The following FGD4 variants were observed in gnomAD, a reference collection of about 807,000 sequenced individuals.
The protein encoded by FGD4 is FYVE, RhoGEF and PH domain containing 4.
Under a neutral mutation model 102.0 loss-of-function variants are expected in FGD4, and 42 were observed. That is an observed-to-expected ratio of 0.41 (90% CI 0.32 to 0.53). The LOEUF (loss-of-function observed/expected upper bound fraction) is 0.53. Among genes scored for constraint, FGD4 ranks in the 20% least tolerant of loss-of-function variants. FGD4 has a pLI of 0.21. For missense variants in FGD4, 902 were observed against 1,078.2 expected, an observed-to-expected ratio of 0.84 and a Z score of 2.29; for synonymous variants, 380 against 375.7, an observed-to-expected ratio of 1.01 and a Z score of -0.13.
chr12:32,632,709 ATTTATTTTT>A lies in FGD4; in HGVS notation c.2173-836_2173-828del, dbSNP rs977699232. Among the ~76,000 whole-genome samples, 18 of 124,460 alleles carry A rather than the reference ATTTATTTTT, an allele frequency of 1.4e-4. No individual in the cohort carries two copies. In the South Asian group the frequency reaches 4.0e-3, roughly 28 times the overall value. The allele number at this position is 124,460 out of a possible 152,430, so 81.7% of individuals were successfully genotyped here. A position where few individuals can be genotyped will look rare whatever the true frequency, so the allele number is the denominator to read the frequency against. ...TTTATTTTTATTTATTTATTTATTTATTTATTTTTTTTTTTTGAGACAGGGTCTTGCTTT... is the reference window on the plus strand; with the variant it reads ...TTTATTTTTATTTATTTATTTATTTATTTTTTTGAGACAGGGTCTTGCTTT... On this transcript the variant is annotated intron_variant, in intron 14 of 16. Transcript: ENST00000534526.
chr12:32,638,650 T>G lies in FGD4; in HGVS notation c.2314-5T>G. The stretch of plus-strand genomic sequence containing the variant: ...TCATTCTGTCTTTCCATTATATTTT[T>G]CTAGATTGAATCAGCAGAAGTATCT... On this transcript the variant is annotated splice_region_variant and splice_polypyrimidine_tract_variant and intron_variant, in intron 15 of 16. Coordinates refer to ENST00000534526, the MANE Select transcript of FGD4 (RefSeq NM_001370298.3). 1 of 1,614,172 alleles carries G rather than the reference T, an allele frequency of 6.2e-7. No homozygotes were observed. The highest frequency in any genetic ancestry group is 8.5e-7 in the Non-Finnish European group (1 of 1,180,018).
intron 1 of FGD4, among the ~76,000 whole-genome samples, chr12:32,494,244 G>T (rs1324160687): frequency 6.6e-6 from 1 of 152,106 alleles, no homozygotes; most frequent in Non-Finnish European, 1.5e-5. Flanking sequence ...GTAGAGATGA[G>T]ATCTCGCTAT....
chr12:32,559,983 T>C (rs977884439), intron 1 of FGD4, among the ~76,000 whole-genome samples: 1 of 152,224 alleles, frequency 6.6e-6, no homozygotes, highest in Non-Finnish European at 1.5e-5. Flanking sequence ...TAGTTTGTAG[T>C]TGAGCTGTGG....
chr12:32,585,564 A>G (rs1946957855), intron 4 of FGD4, among the ~76,000 whole-genome samples: 1 of 151,848 alleles, frequency 6.6e-6, no homozygotes, highest in Non-Finnish European at 1.5e-5. Flanking sequence ...GGCCAGGTGC[A>G]GTGGCTCACA....
intron 2 of FGD4, among the ~76,000 whole-genome samples, chr12:32,570,932 G>A (rs868345638): frequency 3.7e-4 from 57 of 152,130 alleles, no homozygotes; most frequent in African/African-American, 1.2e-3. Flanking sequence ...TTTGTATCCT[G>A]CCACAAAATT....
chr12:32,549,916 G>T (rs1439369986), intron 1 of FGD4, among the ~76,000 whole-genome samples: 1 of 152,198 alleles, frequency 6.6e-6, no homozygotes, highest in Non-Finnish European at 1.5e-5. Context: ...GCCCCTGCCA[G>T]TTGTTTCCTC....
At chr12:32,484,882 C>T (rs530694387) in intron 1 of FGD4, among the ~76,000 whole-genome samples, 1 of 151,978 alleles carries the variant, frequency 6.6e-6, no homozygotes, top group African/African-American at 2.4e-5. Context: ...AGAAAAAAAA[C>T]AAAATAAAAA....
chr12:32,571,042 T>C (rs1487186907), intron 2 of FGD4, among the ~76,000 whole-genome samples: 1 of 152,248 alleles, frequency 6.6e-6, no homozygotes, highest in Non-Finnish European at 1.5e-5. Context: ...CTTTCGTGTG[T>C]TTTTAAATCA....
At chr12:32,425,086 T>C (rs932495517) in intron 1 of FGD4, among the ~76,000 whole-genome samples, 1 of 152,244 alleles carries the variant, frequency 6.6e-6, no homozygotes, top group Non-Finnish European at 1.5e-5. Context: ...TTAGATCTTA[T>C]TTGTCAATTT....
rs144693221 is a variant in FGD4 at position 32,625,729 on chromosome 12, C to T, written c.2122C>T (p.Pro708Ser). ...EVTMCMKCKE[P>S]FNALTRRRHH... ...GACAATGTGTATGAAATGTAAAGAA[C>T]CTTTCAATGCACTGACACGAAGGAG... Residue 708 changes from proline to serine, a missense_variant, in exon 14 of 17, where the codon CCT becomes TCT. Coordinates refer to ENST00000534526, the MANE Select transcript of FGD4 (RefSeq NM_001370298.3). 3.5e-5 allele frequency: 57 copies of T among 1,613,720 alleles called. No individual in the cohort carries two copies. The highest frequency in any genetic ancestry group is 2.3e-4 in the Admixed American group (14 of 59,962).
chr12:32,626,790 T>G (rs1454634366), intron 14 of FGD4, among the ~76,000 whole-genome samples: 2 of 152,170 alleles, frequency 1.3e-5, no homozygotes, highest in African/African-American at 4.8e-5. Flanking sequence ...TTTTTGTTGT[T>G]CTGGTGGTGA....
chr12:32,433,723 A>G (rs1239596974), intron 1 of FGD4, among the ~76,000 whole-genome samples: 1 of 152,200 alleles, frequency 6.6e-6, no homozygotes, highest in Non-Finnish European at 1.5e-5. Context: ...GAAGTTAGCC[A>G]TATCACTGTT....
intron 1 of FGD4, among the ~76,000 whole-genome samples, chr12:32,474,720 G>A (rs1403515433): frequency 6.6e-6 from 1 of 152,034 alleles, no homozygotes; most frequent in East Asian, 1.9e-4. Context: ...GAATAGCCTG[G>A]ACAACATGGC....
chr12:32,642,180 A>G lies in FGD4; in HGVS notation c.*1647A>G, dbSNP rs1416820623. ...CATAAAAGGATTATCAGCCATGATC[A>G]TTAACATTAAACCAAATAGATGGAG... On this transcript the variant is annotated 3_prime_UTR_variant, in exon 17 of 17. Coordinates refer to ENST00000534526, the MANE Select transcript of FGD4 (RefSeq NM_001370298.3). The G allele has an allele frequency of 6.6e-6, 1 of 152,150 alleles. No homozygotes were observed. The highest frequency in any genetic ancestry group is 1.5e-5 in the Non-Finnish European group (1 of 67,978). The allele number at this position is 152,150 out of a possible 1,614,324, so 9.4% of individuals were successfully genotyped here.
chr12:32,443,095 C>T (rs555280161), intron 1 of FGD4, among the ~76,000 whole-genome samples: 77 of 152,300 alleles, frequency 5.1e-4, no homozygotes, highest in African/African-American at 1.8e-3. Context: ...GTATGGTTAG[C>T]AGATATTTCC....
rs1555208402 is a variant in FGD4, at chr12:32,579,045, T to TTTTTG, written c.503+2600_503+2601insGTTTT. On this transcript the variant is annotated intron_variant, in intron 3 of 16. Coordinates refer to ENST00000534526, the MANE Select transcript of FGD4 (RefSeq NM_001370298.3). ...ACAGACCTGAACATTAGTGGTTTTT[T>TTTTTG]TTTTTTTTTTTTTTTTTTGAGACAG... 2.2e-5 allele frequency among the ~76,000 whole-genome samples: 3 copies of TTTTTG among 138,408 alleles called. No homozygotes were observed. In the East Asian group the frequency reaches 6.2e-4, roughly 29 times the overall value. 90.8% of individuals were successfully genotyped at this position (138,408 alleles called of 152,430 possible). A position where few individuals can be genotyped will look rare whatever the true frequency, so the allele number is the denominator to read the frequency against.
intron 1 of FGD4, among the ~76,000 whole-genome samples, chr12:32,406,303 C>T (rs1028519239): frequency 3.3e-5 from 5 of 151,726 alleles, no homozygotes; most frequent in Admixed American, 1.3e-4. Context: ...TGTGTAATTC[C>T]AGCACTTTGG....
At chr12:32,576,754 G>T (rs557567889) in intron 3 of FGD4, among the ~76,000 whole-genome samples, 66 of 152,062 alleles carry the variant, frequency 4.3e-4, no homozygotes, top group Non-Finnish European at 4.4e-4. Flanking sequence ...TTCTCTATGT[G>T]TTACTCCTTG....
intron 1 of FGD4, among the ~76,000 whole-genome samples, chr12:32,562,162 A>G (rs1944653353): frequency 6.6e-6 from 1 of 152,188 alleles, no homozygotes; most frequent in Non-Finnish European, 1.5e-5. Flanking sequence ...CTTTTAACGG[A>G]TTAATTCCGT....
Sources: gnomAD v4.1 joint callset for allele counts (sites outside exome capture counted in the v4.1 genomes callset) on GRCh38, gnomAD v4.1.1 for gene constraint, MANE v1.5 for transcripts, NCBI Gene and HGNC (gene_info 2026-07-23, HGNC 2026-07-21) for gene names.